The following MEIS2 variants were observed in gnomAD, a reference collection of about 807,000 sequenced individuals.
MEIS2 encodes the protein homeobox protein Meis2.
MEIS2 carries 9 observed loss-of-function variants against 58.6 expected under a neutral mutation model. The ratio of observed to expected loss-of-function variants is 0.15; its 90% CI spans 0.09 to 0.27. MEIS2 has a LOEUF of 0.27. Ranked by LOEUF, MEIS2 falls within the 10% of genes least tolerant of loss-of-function variation. The pLI is 1.00. For missense variants in MEIS2, 427 were observed against 635.0 expected (o/e 0.67, Z 3.52); for synonymous variants, 221 against 228.4 (o/e 0.97, Z 0.29).
intron 9 of MEIS2, among the ~76,000 whole-genome samples, chr15:36,909,331 TAA>T (rs1225242159): frequency 2.0e-5 from 3 of 152,140 alleles, no homozygotes; most frequent in Non-Finnish European, 4.4e-5. Context: ...GGCCACATCT[TAA>T]GTTTTATTAT....
intron 9 of MEIS2, among the ~76,000 whole-genome samples, chr15:36,914,321 A>T (rs1443544077): frequency 6.6e-6 from 1 of 152,246 alleles, no homozygotes; most frequent in Non-Finnish European, 1.5e-5. Flanking sequence ...TATAAATCGG[A>T]CTGAACTTTG....
chr15:37,008,107 G>A (rs1475916387), intron 8 of MEIS2, among the ~76,000 whole-genome samples: 1 of 152,134 alleles, frequency 6.6e-6, no homozygotes, highest in East Asian at 1.9e-4. Context: ...GCCGGTCAAT[G>A]AAAGAATGTT....
chr15:37,029,991 C>T (rs1030726579), intron 8 of MEIS2, among the ~76,000 whole-genome samples: 83 of 152,048 alleles, frequency 5.5e-4, no homozygotes, highest in African/African-American at 1.8e-3. Context: ...CAGCGAGATG[C>T]CGTCTCTACA....
chr15:37,099,401 G>GC, intron 1 of MEIS2, 54 bp downstream of exon 1: 1 of 1,613,490 alleles, frequency 6.2e-7, no homozygotes, highest in Non-Finnish European at 8.5e-7. Flanking sequence ...ATCGGGACAG[G>GC]CCCCTCTTAG....
At chr15:36,927,193 G>A (rs181562482) in intron 9 of MEIS2, among the ~76,000 whole-genome samples, 62 of 152,268 alleles carry the variant, frequency 4.1e-4, no homozygotes, top group African/African-American at 1.4e-3. Flanking sequence ...GATTTGCAAG[G>A]CCTGCCAATC....
At chr15:37,060,075 G>T (rs1464129453) in intron 7 of MEIS2, among the ~76,000 whole-genome samples, 1 of 152,002 alleles carries the variant, frequency 6.6e-6, no homozygotes, top group Non-Finnish European at 1.5e-5. Context: ...AGTAACTAGG[G>T]CTACAGGTGC....
At chr15:36,982,221 A>C (rs951946682) in intron 8 of MEIS2, among the ~76,000 whole-genome samples, 1 of 152,156 alleles carries the variant, frequency 6.6e-6, no homozygotes, top group Non-Finnish European at 1.5e-5. Context: ...AGTGAATTTC[A>C]AGTGTACAAT....
At chr15:36,896,398 C>T (rs1343209881) in intron 10 of MEIS2, among the ~76,000 whole-genome samples, 1 of 152,062 alleles carries the variant, frequency 6.6e-6, no homozygotes, top group Non-Finnish European at 1.5e-5. Flanking sequence ...GCCCAATTAC[C>T]AATTCAGAAA....
intron 11 of MEIS2, chr15:36,894,862 G>A (rs1414983423): frequency 1.4e-6 from 2 of 1,410,364 alleles, no homozygotes; most frequent in African/African-American, 1.4e-5. Flanking sequence ...AGCAATAATT[G>A]ATGGTGAAAA....
intron 8 of MEIS2, among the ~76,000 whole-genome samples, chr15:37,013,365 G>A (rs1319710062): frequency 6.6e-6 from 1 of 152,036 alleles, no homozygotes; most frequent in African/African-American, 2.4e-5. Context: ...GAAGTCAGAA[G>A]TTCAAGACTA....
At chr15:37,040,719 G>C (rs903139370) in intron 7 of MEIS2, among the ~76,000 whole-genome samples, 1 of 152,170 alleles carries the variant, frequency 6.6e-6, no homozygotes, top group African/African-American at 2.4e-5. Context: ...GTGCATTAGT[G>C]AAACATATTG....
chr15:37,041,525 T>C (rs2141758079), intron 7 of MEIS2, among the ~76,000 whole-genome samples: 1 of 152,282 alleles, frequency 6.6e-6, no homozygotes, highest in Middle Eastern at 3.4e-3. Flanking sequence ...GAACACAACA[T>C]TGCTCTGGTA....
rs1258735019 is a variant in MEIS2, at chr15:36,912,950, T to C, written c.978-16264A>G. On this transcript the variant is annotated intron_variant, in intron 9 of 11. Transcript: ENST00000561208. Reference sequence around the variant, plus strand: ...GGCTGTGGAAGGGCTTGAAGGTTTTTAATAGTGCTTGTTTCCACTGTCCGC... The same window carrying C: ...GGCTGTGGAAGGGCTTGAAGGTTTTCAATAGTGCTTGTTTCCACTGTCCGC... Among the ~76,000 whole-genome samples the C allele has an allele frequency of 3.3e-5, 5 of 152,286 alleles. No homozygotes were observed. The East Asian group carries it at 9.6e-4, about 29-fold the overall frequency.
intron 9 of MEIS2, among the ~76,000 whole-genome samples, chr15:36,920,071 G>T (rs1486525440): frequency 2.0e-5 from 3 of 152,052 alleles, no homozygotes; most frequent in African/African-American, 7.2e-5. Context: ...AAGAAGAAAT[G>T]GAGGCTGGAG....
intron 9 of MEIS2, among the ~76,000 whole-genome samples, chr15:36,945,418 T>A (rs2058527197): frequency 6.6e-6 from 1 of 152,038 alleles, no homozygotes; most frequent in Non-Finnish European, 1.5e-5. Flanking sequence ...TACAACATGT[T>A]TTCACACACA....
intron 7 of MEIS2, among the ~76,000 whole-genome samples, chr15:37,038,091 G>A (rs1252278836): frequency 6.6e-6 from 1 of 152,164 alleles, no homozygotes; most frequent in Non-Finnish European, 1.5e-5. Context: ...AGGACATCTG[G>A]GAATTGCACT....
chr15:37,009,614 A>C (rs2061058775), intron 8 of MEIS2, among the ~76,000 whole-genome samples: 1 of 152,266 alleles, frequency 6.6e-6, no homozygotes, highest in Non-Finnish European at 1.5e-5. Context: ...GTTTATGGCA[A>C]TGAAGAATTA....
chr15:37,088,562 C>T (rs1893161900), intron 6 of MEIS2, among the ~76,000 whole-genome samples: 1 of 152,134 alleles, frequency 6.6e-6, no homozygotes, highest in African/African-American at 2.4e-5. Flanking sequence ...GGAATTTCAA[C>T]TCCGGTGTTG....
At chr15:37,008,548 A>C (rs1041979029) in intron 8 of MEIS2, among the ~76,000 whole-genome samples, 9 of 152,222 alleles carry the variant, frequency 5.9e-5, no homozygotes, top group African/African-American at 1.7e-4. Context: ...ATTTTCCTAT[A>C]ATATTTTAAG....
Sources: allele counts gnomAD v4.1 joint callset (sites outside exome capture counted in the v4.1 genomes callset), GRCh38; gene constraint gnomAD v4.1.1; transcripts MANE v1.5; gene names NCBI Gene and HGNC (gene_info 2026-07-23, HGNC 2026-07-21).